The following RAB11FIP4 variants were observed in gnomAD, a reference collection of about 807,000 sequenced individuals.
The protein encoded by RAB11FIP4 is RAB11 family interacting protein 4.
Under a neutral mutation model 74.3 loss-of-function variants are expected in RAB11FIP4, and 23 were observed. That is an observed-to-expected ratio of 0.31 (90% CI 0.22 to 0.44). The LOEUF is 0.44. Among genes scored for constraint, RAB11FIP4 ranks in the 20% least tolerant of loss-of-function variants. The pLI is 1.00. For missense variants in RAB11FIP4, 630 were observed against 863.9 expected (o/e 0.73, Z 3.39); for synonymous variants, 360 against 359.9 (o/e 1.00, Z 0.00).
At chr17:31,430,319 A>G (rs1486086102) in intron 1 of RAB11FIP4, among the ~76,000 whole-genome samples, 1 of 149,858 alleles carries the variant, frequency 6.7e-6, no homozygotes, top group Admixed American at 6.6e-5. Context: ...GTCAGATCAC[A>G]TGGGGCCTTG....
chr17:31,397,074 G>C lies in RAB11FIP4; in HGVS notation c.159+5063G>C, dbSNP rs150797033. 1.2e-3 allele frequency among the ~76,000 whole-genome samples: 189 copies of C among 152,336 alleles called. 1 individual carries two copies. Among genetic ancestry groups the C allele is most frequent in the African/African-American group, 4.3e-3 (180 of 41,588 alleles). On this transcript the variant is annotated intron_variant, in intron 1 of 14. Coordinates refer to ENST00000621161, the MANE Select transcript of RAB11FIP4 (RefSeq NM_032932.6). ...AGCCAGCCCTGGGGCTGGGATCGAT[G>C]TCTTTTGAGATACGTGGCTTCCAGG...
intron 1 of RAB11FIP4, among the ~76,000 whole-genome samples, chr17:31,405,473 G>A (rs562515649): frequency 3.3e-5 from 5 of 152,072 alleles, no homozygotes; most frequent in Admixed American, 1.3e-4. Flanking sequence ...TGGTTCAAGC[G>A]ATTCTCCTGC....
At chr17:31,461,827 C>T (rs1326007700) in intron 3 of RAB11FIP4, among the ~76,000 whole-genome samples, 1 of 151,802 alleles carries the variant, frequency 6.6e-6, no homozygotes, top group African/African-American at 2.4e-5. Flanking sequence ...GATACAGAAT[C>T]GAAACCCATT....
intron 1 of RAB11FIP4, among the ~76,000 whole-genome samples, chr17:31,396,183 CAAAA>C (rs55991343): frequency 1.6e-5 from 2 of 122,594 alleles, no homozygotes; most frequent in Non-Finnish European, 1.7e-5. Context: ...GACCCTGCCA[CAAAA>C]AAAAAAAAAA....
intron 3 of RAB11FIP4, chr17:31,488,235 G>A: frequency 8.7e-7 from 1 of 1,152,462 alleles, no homozygotes; most frequent in Non-Finnish European, 1.1e-6. Flanking sequence ...CCGGGGAGCG[G>A]CCCGCGGATG....
chr17:31,524,553 C>G (rs182034100), intron 9 of RAB11FIP4: 1 of 178,562 alleles, frequency 5.6e-6, no homozygotes, highest in East Asian at 1.6e-4. Flanking sequence ...CTTTTGTACA[C>G]CCCAGAAGGT....
At chr17:31,483,603 T>G (rs72815687) in intron 3 of RAB11FIP4, among the ~76,000 whole-genome samples, 4,095 of 152,276 alleles carry the variant, frequency 0.027, 73 homozygotes, top group Middle Eastern at 0.058. Flanking sequence ...TTTTGCGAAG[T>G]CTCCACAGAA....
intron 1 of RAB11FIP4, among the ~76,000 whole-genome samples, chr17:31,428,770 A>T (rs1364905889): frequency 6.6e-5 from 10 of 152,076 alleles, no homozygotes; most frequent in Non-Finnish European, 1.3e-4. Context: ...TTTTAGAAGC[A>T]GTTTTAGATT....
intron 1 of RAB11FIP4, among the ~76,000 whole-genome samples, chr17:31,402,656 T>G (rs1002659184): frequency 2.7e-5 from 4 of 149,080 alleles, no homozygotes; most frequent in Non-Finnish European, 6.0e-5. Context: ...GAGTCTTGCT[T>G]TGTCGCCCAG....
intron 1 of RAB11FIP4, among the ~76,000 whole-genome samples, chr17:31,406,981 C>T (rs1597900174): frequency 6.6e-6 from 1 of 151,002 alleles, no homozygotes; most frequent in Non-Finnish European, 1.5e-5. Flanking sequence ...TGTTTATAAC[C>T]CCCAGTTAAC....
intron 1 of RAB11FIP4, among the ~76,000 whole-genome samples, chr17:31,426,692 G>A (rs577167832): frequency 1.0e-4 from 14 of 139,086 alleles, no homozygotes; most frequent in Non-Finnish European, 1.7e-4. Context: ...TCTGCCTCCC[G>A]GGTTCAAGCG....
At chr17:31,423,919 T>G (rs1480397045) in intron 1 of RAB11FIP4, among the ~76,000 whole-genome samples, 1 of 152,102 alleles carries the variant, frequency 6.6e-6, no homozygotes, top group African/African-American at 2.4e-5. Context: ...TCCCCCTGTG[T>G]GACTGCTACG....
intron 1 of RAB11FIP4, among the ~76,000 whole-genome samples, chr17:31,400,776 A>C (rs1011269948): frequency 2.6e-5 from 4 of 152,192 alleles, no homozygotes; most frequent in African/African-American, 9.6e-5. Context: ...CGGGAGCTCC[A>C]CGTTGGCCTG....
At chr17:31,445,356 T>A (rs915423762) in intron 3 of RAB11FIP4, among the ~76,000 whole-genome samples, 2 of 151,602 alleles carry the variant, frequency 1.3e-5, no homozygotes, top group African/African-American at 4.8e-5. Flanking sequence ...CATACTACTT[T>A]TTTTCTGGAC....
intron 3 of RAB11FIP4, among the ~76,000 whole-genome samples, chr17:31,463,133 A>G (rs1254488655): frequency 6.6e-6 from 1 of 152,192 alleles, no homozygotes; most frequent in Non-Finnish European, 1.5e-5. Context: ...ACACATTGTA[A>G]CCACCAGAGC....
chr17:31,511,878 C>T (rs1027207462), intron 3 of RAB11FIP4, among the ~76,000 whole-genome samples: 1 of 152,180 alleles, frequency 6.6e-6, no homozygotes, highest in Non-Finnish European at 1.5e-5. Context: ...TGCTGGCAGG[C>T]GAACACGGCT....
intron 1 of RAB11FIP4, among the ~76,000 whole-genome samples, chr17:31,411,656 T>C (rs1291451536): frequency 6.6e-6 from 1 of 152,216 alleles, no homozygotes; most frequent in Non-Finnish European, 1.5e-5. Flanking sequence ...AGGGCCTCAA[T>C]CATGGATGAG....
intron 3 of RAB11FIP4, chr17:31,488,013 C>T: frequency 5.0e-6 from 5 of 1,009,546 alleles, no homozygotes; most frequent in Non-Finnish European, 5.9e-6. Flanking sequence ...GTCCCGGGGC[C>T]CAGGCGCCTC....
chr17:31,395,904 G>T (rs143464541), intron 1 of RAB11FIP4, among the ~76,000 whole-genome samples: 60 of 152,268 alleles, frequency 3.9e-4, no homozygotes, highest in Admixed American at 1.7e-3. Context: ...ACAATGGGCC[G>T]GGCGTGGTGG....
Sources: allele counts gnomAD v4.1 joint callset (sites outside exome capture counted in the v4.1 genomes callset), GRCh38; gene constraint gnomAD v4.1.1; transcripts MANE v1.5; gene names NCBI Gene and HGNC (gene_info 2026-07-23, HGNC 2026-07-21).